The following DEK variants were observed in gnomAD, a reference collection of about 807,000 sequenced individuals.
DEK encodes protein DEK.
A neutral mutation model predicts 46.8 loss-of-function variants in DEK; 28 were observed. The observed-to-expected ratio is 0.60, with a 90% CI of 0.44 to 0.82. The LOEUF (loss-of-function observed/expected upper bound fraction) is 0.82. DEK is among the 40% of genes least tolerant of loss of function. The pLI, the probability that DEK is intolerant of heterozygous loss-of-function variation, is 0.00. For missense variants in DEK, 416 were observed against 430.6 expected, an observed-to-expected ratio of 0.97 and a Z score of 0.30; for synonymous variants, 160 against 144.5, an observed-to-expected ratio of 1.11 and a Z score of -0.77.
intron 2 of DEK, among the ~76,000 whole-genome samples, chr6:18,258,629 G>A (rs886374319): frequency 4.0e-5 from 6 of 151,180 alleles, no homozygotes; most frequent in African/African-American, 1.5e-4. Flanking sequence ...GCACTCACAG[G>A]GACTCAGTTA....
chr6:18,259,705 A>G (rs1314534054), intron 2 of DEK, among the ~76,000 whole-genome samples: 1 of 152,222 alleles, frequency 6.6e-6, no homozygotes. Context: ...AAAACATCTT[A>G]AGAAAGATAC....
chr6:18,262,795 A>C (rs571510371), intron 2 of DEK, among the ~76,000 whole-genome samples: 7 of 152,260 alleles, frequency 4.6e-5, no homozygotes, highest in Non-Finnish European at 7.3e-5. Flanking sequence ...GTTAAGCAAT[A>C]GTTTATGTGA....
intron 9 of DEK, among the ~76,000 whole-genome samples, chr6:18,235,879 A>T (rs1790626359): frequency 6.6e-6 from 1 of 152,236 alleles, no homozygotes; most frequent in South Asian, 2.1e-4. Flanking sequence ...AATGTCCTTT[A>T]AAAAAGCACA....
intron 2 of DEK, among the ~76,000 whole-genome samples, chr6:18,259,394 C>CAAAA (rs56704006): frequency 2.7e-4 from 11 of 41,480 alleles, no homozygotes; most frequent in Non-Finnish European, 4.2e-4. Context: ...GACTCCGTCT[C>CAAAA]AAAAAAAAAA....
chr6:18,225,643 A>G lies in DEK; in HGVS notation c.*76T>C, dbSNP rs964302591. 7.3e-6 allele frequency: 11 copies of G among 1,509,620 alleles called. No individual in the cohort carries two copies. The highest frequency in any genetic ancestry group is 9.9e-6 in the Non-Finnish European group (11 of 1,107,696). The allele number at this position is 1,509,620 out of a possible 1,614,324, so 93.5% of individuals were successfully genotyped here. A position where few individuals can be genotyped will look rare whatever the true frequency, so the allele number is the denominator to read the frequency against. On this transcript the variant is annotated 3_prime_UTR_variant, in exon 11 of 11. Transcript: ENST00000652689. ...AACAAGGATTTAGAAAAGGAAATAC[A>G]TTCTCTTTGCTGGTATAATGGTATA...
chr6:18,228,997 T>A (rs1446318925), intron 9 of DEK, among the ~76,000 whole-genome samples: 2 of 152,140 alleles, frequency 1.3e-5, no homozygotes, highest in African/African-American at 4.8e-5. Flanking sequence ...GGGAGACACC[T>A]CCCAGTAGGA....
chr6:18,239,339 T>C (rs1245438327), intron 7 of DEK, among the ~76,000 whole-genome samples: 4 of 41,142 alleles, frequency 9.7e-5, no homozygotes, highest in African/African-American at 9.6e-4. Context: ...TTTTAGTGTC[T>C]TTTTTTTTTT....
chr6:18,224,845 T>C lies in DEK; in HGVS notation c.*874A>G, dbSNP rs1790037206. ...CCCTTTCCCAAAGTTTTTGAAGCTTTGATAGGTTGATTTTTGGTCTGTCCT... is the reference window on the plus strand; with the variant it reads ...CCCTTTCCCAAAGTTTTTGAAGCTTCGATAGGTTGATTTTTGGTCTGTCCT... On this transcript the variant is annotated 3_prime_UTR_variant, in exon 11 of 11. Transcript: ENST00000652689. 4.7e-6 allele frequency: 1 copy of C among 210,724 alleles called. No homozygotes were observed. Among genetic ancestry groups the C allele is most frequent in the Non-Finnish European group, 9.7e-6 (1 of 103,442 alleles). 13.1% of individuals were successfully genotyped at this position (210,724 alleles called of 1,614,324 possible).
intron 7 of DEK, among the ~76,000 whole-genome samples, chr6:18,243,455 T>C (rs1055019390): frequency 3.9e-5 from 6 of 152,186 alleles, no homozygotes; most frequent in Admixed American, 6.5e-5. Context: ...GGGTTCTCTA[T>C]AGCATGGGTT....
chr6:18,230,968 T>A (rs528830121), intron 9 of DEK, among the ~76,000 whole-genome samples: 1 of 152,120 alleles, frequency 6.6e-6, no homozygotes, highest in Admixed American at 6.5e-5. Flanking sequence ...ATTGACCACA[T>A]AGTTGGAAGT....
chr6:18,230,908 A>T (rs531005480), intron 9 of DEK, among the ~76,000 whole-genome samples: 47 of 152,292 alleles, frequency 3.1e-4, no homozygotes, highest in African/African-American at 1.0e-3. Context: ...CTCCACCCCA[A>T]ATCAACAGAA....
intron 7 of DEK, among the ~76,000 whole-genome samples, chr6:18,249,299 C>T (rs957908430): frequency 1.1e-4 from 16 of 152,114 alleles, no homozygotes; most frequent in Non-Finnish European, 2.4e-4. Context: ...TATAAAGTAT[C>T]AATATATTAC....
rs371919690 is a variant in DEK at position 18,263,981 on chromosome 6, C to T, written c.7G>A (p.Ala3Thr). MS[A>T]SAPAAEGEGT... ...TCCCCCTCCGCAGCAGGGGCCGAGGCGGACATGCTGTGAACCTGCATGCGG... is the reference window on the plus strand; with the variant it reads ...TCCCCCTCCGCAGCAGGGGCCGAGGTGGACATGCTGTGAACCTGCATGCGG... The change falls in exon 2 of 11, where the codon GCC becomes ACC. Residue 3 changes from alanine (A) to threonine (T), a missense_variant. By Grantham distance (58) the Ala-to-Thr change is moderately conservative (BLOSUM62 0). Coordinates refer to ENST00000652689, the MANE Select transcript of DEK (RefSeq NM_003472.4). 34 of 1,609,656 alleles carry T rather than the reference C, an allele frequency of 2.1e-5. No individual in the cohort carries two copies. Among genetic ancestry groups the T allele is most frequent in the Non-Finnish European group, 2.7e-5 (32 of 1,178,414 alleles).
At chr6:18,263,808 G>C in intron 2 of DEK, 35 bp downstream of exon 2, 1 of 1,610,916 alleles carries the variant, frequency 6.2e-7, no homozygotes, top group Non-Finnish European at 8.5e-7. Context: ...ACTTCGGTCT[G>C]AAAAATTCAT....
chr6:18,229,880 C>T (rs968148376), intron 9 of DEK, among the ~76,000 whole-genome samples: 2 of 152,210 alleles, frequency 1.3e-5, no homozygotes, highest in South Asian at 2.1e-4. Context: ...ACAGAGAACA[C>T]CACAAAAATA....
At position 18,263,993 on chromosome 6, in the gene DEK, G is replaced by T; in HGVS notation, c.-6C>A. Reference sequence around the variant, plus strand: ...GCAGGGGCCGAGGCGGACATGCTGTGAACCTGCATGCGGGAAGAAAGCCGG... The same window carrying T: ...GCAGGGGCCGAGGCGGACATGCTGTTAACCTGCATGCGGGAAGAAAGCCGG... On this transcript the variant is annotated 5_prime_UTR_variant, in exon 2 of 11. Transcript: ENST00000652689. The T allele has an allele frequency of 4.4e-6, 7 of 1,597,426 alleles. No individual in the cohort carries two copies. Among genetic ancestry groups the T allele is most frequent in the Non-Finnish European group, 6.0e-6 (7 of 1,172,514 alleles).
At chr6:18,237,206 T>C in intron 8 of DEK, 175 bp downstream of exon 8, 1 of 666,412 alleles carries the variant, frequency 1.5e-6, no homozygotes, top group East Asian at 3.3e-5. Flanking sequence ...TATTGCAAAA[T>C]CTGAATCACT....
chr6:18,245,541 A>C (rs1791075994), intron 7 of DEK, among the ~76,000 whole-genome samples: 1 of 151,340 alleles, frequency 6.6e-6, no homozygotes, highest in Non-Finnish European at 1.5e-5. Flanking sequence ...GCGCTATAAA[A>C]ACACTAGAAA....
chr6:18,243,911 G>GA (rs1468391427), intron 7 of DEK, among the ~76,000 whole-genome samples: 1 of 152,074 alleles, frequency 6.6e-6, no homozygotes. Flanking sequence ...AGGCTGCAGT[G>GA]AGCCATGATC....
Sources: allele counts gnomAD v4.1 joint callset (sites outside exome capture counted in the v4.1 genomes callset), GRCh38; gene constraint gnomAD v4.1.1; transcripts MANE v1.5; gene names NCBI Gene and HGNC (gene_info 2026-07-23, HGNC 2026-07-21).